DYNC2H1: variants seen among roughly 807,000 people sequenced by gnomAD.
DYNC2H1 encodes the protein dynein cytoplasmic 2 heavy chain 1, also known as cytoplasmic dynein 2 heavy chain 1.
DYNC2H1 carries 410 observed loss-of-function variants against 570.0 expected under a neutral mutation model. The observed-to-expected ratio is 0.72, with a 90% CI of 0.66 to 0.78. The LOEUF (loss-of-function observed/expected upper bound fraction) is 0.78, where lower values mean the gene tolerates loss of function less well. DYNC2H1 is among the 30% of genes least tolerant of loss of function. The probability of loss-of-function intolerance (pLI) is 0.00; values close to 1 mark genes in which losing one functional copy is unlikely to be tolerated. For missense variants in DYNC2H1, 4,865 were observed against 5,046.4 expected, an observed-to-expected ratio of 0.96 and a Z score of 1.09; for synonymous variants, 1,688 against 1,677.6, an observed-to-expected ratio of 1.01 and a Z score of -0.15.
intron 30 of DYNC2H1, among the ~76,000 whole-genome samples, chr11:103,164,546 C>G (rs1861221245): frequency 6.6e-6 from 1 of 152,062 alleles, no homozygotes; most frequent in Non-Finnish European, 1.5e-5. Context: ...GGGAAGGAGG[C>G]AGTGTGGTAA....
chr11:103,315,859 T>G (rs11225706), intron 79 of DYNC2H1, among the ~76,000 whole-genome samples: 25,169 of 151,970 alleles, frequency 0.17, 2,260 homozygotes, highest in Admixed American at 0.25. Context: ...ATATAATACA[T>G]ATTTTAAAAA....
Position 103,181,671 on chromosome 11 carries a change from A to G in DYNC2H1, c.6348-86A>G. 7.2e-7 allele frequency: 1 copy of G among 1,384,834 alleles called. No homozygotes were observed. 85.8% of individuals were successfully genotyped at this position (1,384,834 alleles called of 1,614,324 possible). A position where few individuals can be genotyped will look rare whatever the true frequency, so the allele number is the denominator to read the frequency against. On this transcript the variant is annotated intron_variant, in intron 39 of 88. Coordinates refer to ENST00000375735, the MANE Select transcript of DYNC2H1 (RefSeq NM_001377.3). This position sits in a 1 kb window ranked among gnomAD's most constrained non-coding sequence, Gnocchi z 5.0. ...CTAGCAGACAAAATATGTGCGTAGA[A>G]TAATGTTTATTGGAGAAGAAATTTA...
intron 4 of DYNC2H1, among the ~76,000 whole-genome samples, chr11:103,116,121 G>A (rs1449762071): frequency 6.6e-6 from 1 of 151,106 alleles, no homozygotes; most frequent in African/African-American, 2.5e-5. Context: ...GTTTTAAATG[G>A]TTTTAAGCTT....
Position 103,465,118 on chromosome 11 carries a change from A to G in DYNC2H1, c.12649-3471A>G, listed in dbSNP as rs1465239485. ...CTAAAATGGATATACAATCCATAGC[A>G]GAAAAGGAGAAAAAGCAAAAAAAGG... On this transcript the variant is annotated intron_variant, in intron 87 of 88. Coordinates refer to ENST00000375735, the MANE Select transcript of DYNC2H1 (RefSeq NM_001377.3). This position sits in a 1 kb window ranked among gnomAD's most constrained non-coding sequence, Gnocchi z 4.9. Among the ~76,000 whole-genome samples the G allele has an allele frequency of 2.0e-5, 3 of 152,160 alleles. No individual in the cohort carries two copies. Among genetic ancestry groups the G allele is most frequent in the African/African-American group, 7.2e-5 (3 of 41,458 alleles).
intron 2 of DYNC2H1, 72 bp from the exon 3 acceptor site, chr11:103,114,031 A>C (rs543428081): frequency 6.5e-7 from 1 of 1,549,984 alleles, no homozygotes; most frequent in African/African-American, 1.4e-5. Context: ...GGTTTTGGAC[A>C]GTGTTTTGGG....
chr11:103,338,987 T>C (rs1341177897), intron 82 of DYNC2H1, among the ~76,000 whole-genome samples: 1 of 152,190 alleles, frequency 6.6e-6, no homozygotes, highest in Non-Finnish European at 1.5e-5. Context: ...ACTTCAAATA[T>C]AATTGAGTGT....
In DYNC2H1 at chr11:103,151,125, C is replaced by G. The variant is rs1196998377; in HGVS notation, c.2947-1011C>G. Among the ~76,000 whole-genome samples, 1 of 152,038 alleles carries G rather than the reference C, an allele frequency of 6.6e-6. No homozygotes were observed. The highest frequency in any genetic ancestry group is 1.5e-5 in the Non-Finnish European group (1 of 68,012). On this transcript the variant is annotated intron_variant, in intron 20 of 88. Transcript: ENST00000375735. The surrounding 1 kb of genome is among the most constrained non-coding windows in gnomAD (Gnocchi z 4.6). Reference sequence around the variant, plus strand: ...TATGTTTTACAGGCTAACTGGAGTTCCGTTCACGTGTAGAAAATTAAAATC... The same window carrying G: ...TATGTTTTACAGGCTAACTGGAGTTGCGTTCACGTGTAGAAAATTAAAATC...
rs753457904 is a variant in DYNC2H1, at chr11:103,203,799, A to G, written c.8311+23A>G. 3 of 1,492,614 alleles carry G rather than the reference A, an allele frequency of 2.0e-6. No individual in the cohort carries two copies. Among genetic ancestry groups the G allele is most frequent in the Admixed American group, 1.8e-5 (1 of 54,174 alleles). 92.5% of individuals were successfully genotyped at this position (1,492,614 alleles called of 1,614,324 possible). On this transcript the variant is annotated intron_variant, in intron 51 of 88. Coordinates refer to ENST00000375735, the MANE Select transcript of DYNC2H1 (RefSeq NM_001377.3). This position sits in a 1 kb window ranked among gnomAD's most constrained non-coding sequence, Gnocchi z 4.7. ...ATAGTAAGTGACATAGAATTCATTA[A>G]TCAAATCAAACTGGTTTGTATGAAA...
chr11:103,320,886 T>A, intron 80 of DYNC2H1, 143 bp from the exon 81 acceptor site: 1 of 662,426 alleles, frequency 1.5e-6, no homozygotes, highest in Non-Finnish European at 2.4e-6. Flanking sequence ...AAATCTCAAA[T>A]ATTTACTACT....
At chr11:103,229,643 T>C (rs1863931815) in intron 59 of DYNC2H1, among the ~76,000 whole-genome samples, 1 of 152,202 alleles carries the variant, frequency 6.6e-6, no homozygotes, top group Admixed American at 6.5e-5. Flanking sequence ...GCCTGCTGCT[T>C]AAGGCTGTTG....
intron 82 of DYNC2H1, among the ~76,000 whole-genome samples, chr11:103,343,594 G>A (rs921040046): frequency 6.6e-6 from 1 of 152,042 alleles, no homozygotes; most frequent in African/African-American, 2.4e-5. Context: ...GGGAGCCTCA[G>A]AAATTATATC....
intron 49 of DYNC2H1, 45 bp from the exon 50 acceptor site, chr11:103,200,001 C>T: frequency 1.5e-6 from 2 of 1,311,632 alleles, no homozygotes; most frequent in Non-Finnish European, 2.1e-6. Context: ...TTAACTGTAC[C>T]AAAAATACTT....
chr11:103,164,608 G>C (rs148848444), intron 30 of DYNC2H1, among the ~76,000 whole-genome samples: 190 of 152,222 alleles, frequency 1.2e-3, no homozygotes, highest in African/African-American at 4.3e-3. Flanking sequence ...TAGTTATCCT[G>C]AGTAGAACAT....
rs1461992495 is a variant in DYNC2H1 at position 103,275,628 on chromosome 11, T to A, written c.10696-4720T>A. Reference sequence around the variant, plus strand: ...ACAGTATGTCAGTATGTAGCCTTTGTAGATTGTCTTCTTTCACTTACTATT... The same window carrying A: ...ACAGTATGTCAGTATGTAGCCTTTGAAGATTGTCTTCTTTCACTTACTATT... On this transcript the variant is annotated intron_variant, in intron 70 of 88. Coordinates refer to ENST00000375735, the MANE Select transcript of DYNC2H1 (RefSeq NM_001377.3). This position sits in a 1 kb window ranked among gnomAD's most constrained non-coding sequence, Gnocchi z 4.8. Among the ~76,000 whole-genome samples, 1 of 152,198 alleles carries A rather than the reference T, an allele frequency of 6.6e-6. No individual in the cohort carries two copies. Among genetic ancestry groups the A allele is most frequent in the Non-Finnish European group, 1.5e-5 (1 of 68,026 alleles).
intron 3 of DYNC2H1, 27 bp from the exon 4 acceptor site, chr11:103,115,150 A>G (rs754757979): frequency 9.1e-6 from 14 of 1,542,012 alleles, no homozygotes; most frequent in Non-Finnish European, 1.2e-5. Flanking sequence ...ATTCTATGCC[A>G]TTTTTTTCCC....
At chr11:103,231,759 C>T (rs1052235623) in intron 60 of DYNC2H1, among the ~76,000 whole-genome samples, 1 of 151,926 alleles carries the variant, frequency 6.6e-6, no homozygotes, top group East Asian at 1.9e-4. Flanking sequence ...ATGTATCATA[C>T]TTCCTTTTTT....
At chr11:103,124,009 A>C (rs963573433) in intron 11 of DYNC2H1, among the ~76,000 whole-genome samples, 1 of 152,002 alleles carries the variant, frequency 6.6e-6, no homozygotes, top group Non-Finnish European at 1.5e-5. Context: ...GGGCTAAATC[A>C]TCATTTTAAG....
rs146499828 is a variant in DYNC2H1 at position 103,301,726 on chromosome 11, G to A, written c.11096-1367G>A. Among the ~76,000 whole-genome samples the A allele has an allele frequency of 6.5e-3, 991 of 151,974 alleles. 34 individuals carry two copies. The highest frequency in any genetic ancestry group is 0.053 in the Admixed American group (805 of 15,236). On this transcript the variant is annotated intron_variant, in intron 75 of 88. Coordinates refer to ENST00000375735, the MANE Select transcript of DYNC2H1 (RefSeq NM_001377.3). ...AACAGACAAGGGTGCTGCTTTAGGC[G>A]TGAAATGTACCTTTTCTGGTTGGCT...
chr11:103,147,808 C>T lies in DYNC2H1; in HGVS notation c.2739C>T (p.Asn913=), dbSNP rs766595996. 3 of 1,609,842 alleles carry T rather than the reference C, an allele frequency of 1.9e-6. No homozygotes were observed. In the Admixed American group the frequency reaches 5.0e-5, roughly 27 times the overall value. Reference sequence around the variant, plus strand: ...TAGATTGTTTAAATATTAATTGCAACCCTGTGAAGACTGTGATTGATGATC... The same window carrying T: ...TAGATTGTTTAAATATTAATTGCAATCCTGTGAAGACTGTGATTGATGATC... The part of the protein sequence containing the change: ...VKVDCLNINC[N]PVKTVIDDLI... Residue 913 remains asparagine, a synonymous_variant, in exon 19 of 89, where the codon AAC becomes AAT. Transcript: ENST00000375735.
Sources: allele counts gnomAD v4.1 joint callset (sites outside exome capture counted in the v4.1 genomes callset), GRCh38; gene constraint gnomAD v4.1.1; non-coding constraint Gnocchi (gnomAD v3.1); transcripts MANE v1.5; gene names NCBI Gene and HGNC (gene_info 2026-07-23, HGNC 2026-07-21).